Variants in HVCN1 observed in about 807,000 individuals in gnomAD.
The protein encoded by HVCN1 is voltage-gated hydrogen channel 1.
A neutral mutation model predicts 29.2 loss-of-function variants in HVCN1; 14 were observed. The observed-to-expected ratio is 0.48, with a 90% CI of 0.32 to 0.75. HVCN1 has a LOEUF of 0.75. Among genes scored for constraint, HVCN1 ranks in the 30% least tolerant of loss-of-function variants. HVCN1 has a pLI of 0.04. For synonymous variants in HVCN1, 131 were observed against 133.2 expected, an observed-to-expected ratio of 0.98 and a Z score of 0.11; for missense variants, 263 against 341.8, an observed-to-expected ratio of 0.77 and a Z score of 1.82.
At chr12:110,694,757 C>T (rs969086715), upstream of HVCN1, among the ~76,000 whole-genome samples, 5 of 152,202 alleles carry the variant, frequency 3.3e-5, no homozygotes, top group African/African-American at 1.2e-4. This position sits in a 1 kb window ranked among gnomAD's most constrained non-coding sequence, Gnocchi z 4.6. Flanking sequence ...ACGGGATCTG[C>T]ACAAGGCCTG....
At chr12:110,695,291 C>T (rs1342172680) in intron 2 of HVCN1, among the ~76,000 whole-genome samples, 1 of 151,942 alleles carries the variant, frequency 6.6e-6, no homozygotes, top group Non-Finnish European at 1.5e-5. Context: ...TACACACACA[C>T]ACACTTATAT....
intron 3 of HVCN1, among the ~76,000 whole-genome samples, chr12:110,663,032 C>G (rs2068229138): frequency 6.6e-6 from 1 of 152,096 alleles, no homozygotes; most frequent in African/African-American, 2.4e-5. Flanking sequence ...AGTGAAGTAA[C>G]AATAGCACAT....
intron 5 of HVCN1, among the ~76,000 whole-genome samples, chr12:110,653,609 A>C (rs571080906): frequency 1.3e-4 from 20 of 152,246 alleles, no homozygotes; most frequent in African/African-American, 4.8e-4. Context: ...TGGGAGGCCG[A>C]AGTGGGCAGA....
chr12:110,697,132 C>T (rs1422641489), intron 2 of HVCN1, among the ~76,000 whole-genome samples: 1 of 151,820 alleles, frequency 6.6e-6, no homozygotes, highest in Non-Finnish European at 1.5e-5. Flanking sequence ...GAGGATGTCC[C>T]CATTTTTGAT....
At chr12:110,659,816 C>G (rs1003321020) in intron 4 of HVCN1, among the ~76,000 whole-genome samples, 2 of 151,888 alleles carry the variant, frequency 1.3e-5, no homozygotes, top group Non-Finnish European at 2.9e-5. Context: ...GCCTGTAATC[C>G]CAGCACTTTG....
At chr12:110,685,893 G>A (rs1198157701) in intron 2 of HVCN1, among the ~76,000 whole-genome samples, 3 of 152,060 alleles carry the variant, frequency 2.0e-5, no homozygotes, top group African/African-American at 7.2e-5. Flanking sequence ...TGTTATCCAG[G>A]CTGGTCTCAA....
chr12:110,668,906 T>C (rs1174557864), intron 3 of HVCN1, among the ~76,000 whole-genome samples: 8 of 152,148 alleles, frequency 5.3e-5, no homozygotes, highest in Non-Finnish European at 1.2e-4. Context: ...CTGCTATCTC[T>C]GGCCACCCTC....
chr12:110,684,065 A>G (rs138397516), intron 2 of HVCN1, among the ~76,000 whole-genome samples: 1 of 152,242 alleles, frequency 6.6e-6, no homozygotes, highest in Admixed American at 6.5e-5. Flanking sequence ...AATGTCCGGA[A>G]CAGGATATGA....
intron 3 of HVCN1, among the ~76,000 whole-genome samples, chr12:110,678,427 T>C (rs185473584): frequency 7.0e-4 from 106 of 151,108 alleles, no homozygotes; most frequent in South Asian, 1.3e-3. Flanking sequence ...TATTTTCCAT[T>C]TCATTCTATT....
rs1387210381 is a variant in HVCN1 at position 110,676,734 on chromosome 12, T to C, written c.21+6491A>G. Among the ~76,000 whole-genome samples, 2 of 152,150 alleles carry C rather than the reference T, an allele frequency of 1.3e-5. No individual in the cohort carries two copies. Among genetic ancestry groups the C allele is most frequent in the African/African-American group, 4.8e-5 (2 of 41,438 alleles). On this transcript the variant is annotated intron_variant, in intron 3 of 7. Coordinates refer to ENST00000242607, the MANE Select transcript of HVCN1 (RefSeq NM_032369.4). This position sits in a 1 kb window ranked among gnomAD's most constrained non-coding sequence, Gnocchi z 4.1. Reference sequence around the variant, plus strand: ...CAACCCAGGAGAGGGCTCTGGAAGCTTGTGCCAGGTTTTTTCTGAACTTCA... The same window carrying C: ...CAACCCAGGAGAGGGCTCTGGAAGCCTGTGCCAGGTTTTTTCTGAACTTCA...
chr12:110,686,523 C>T (rs900876066), intron 2 of HVCN1, among the ~76,000 whole-genome samples: 4 of 152,028 alleles, frequency 2.6e-5, no homozygotes, highest in Non-Finnish European at 4.4e-5. Flanking sequence ...TCAAGTGGAA[C>T]CATCACCACA....
upstream of HVCN1, among the ~76,000 whole-genome samples, chr12:110,694,104 C>A (rs1467524159): frequency 6.6e-6 from 1 of 152,142 alleles, no homozygotes; most frequent in Non-Finnish European, 1.5e-5. This position sits in a 1 kb window ranked among gnomAD's most constrained non-coding sequence, Gnocchi z 4.6. Flanking sequence ...GCTCTGTCAC[C>A]CAGGCTGGAG....
chr12:110,697,555 A>G (rs1171632042), intron 2 of HVCN1, among the ~76,000 whole-genome samples: 1 of 152,114 alleles, frequency 6.6e-6, no homozygotes, highest in Non-Finnish European at 1.5e-5. Flanking sequence ...GGAGGGGCCC[A>G]CACTGGAGTC....
chr12:110,703,848 C>T (rs993237605), intron 1 of HVCN1, among the ~76,000 whole-genome samples: 2 of 152,226 alleles, frequency 1.3e-5, no homozygotes, highest in East Asian at 3.9e-4. Flanking sequence ...CCATGCCTGG[C>T]TAATTTTTGT....
chr12:110,698,819 G>A (rs1436606042), intron 2 of HVCN1, among the ~76,000 whole-genome samples: 1 of 152,130 alleles, frequency 6.6e-6, no homozygotes, highest in Non-Finnish European at 1.5e-5. Context: ...CAGGGAGTCT[G>A]GTGCTTACTG....
Position 110,661,593 on chromosome 12 carries a change from G to T in HVCN1, c.22-145C>A. ...AAGCAGAGACCATGAGGTCACGGTG[G>T]TTTCTCGTGCTTTTATTTTTGGAAT... is the stretch of plus-strand genomic sequence containing the variant. On this transcript the variant is annotated intron_variant, in intron 3 of 7. Coordinates refer to ENST00000242607, the MANE Select transcript of HVCN1 (RefSeq NM_032369.4). The surrounding 1 kb of genome is among the most constrained non-coding windows in gnomAD (Gnocchi z 6.2). The T allele has an allele frequency of 1.4e-6, 1 of 709,210 alleles. No individual in the cohort carries two copies. Among genetic ancestry groups the T allele is most frequent in the Non-Finnish European group, 2.3e-6 (1 of 433,382 alleles). 43.9% of individuals were successfully genotyped at this position (709,210 alleles called of 1,614,324 possible).
At chr12:110,683,407 T>A in intron 2 of HVCN1, 143 bp from the exon 3 acceptor site, 1 of 941,366 alleles carries the variant, frequency 1.1e-6, no homozygotes, top group Non-Finnish European at 1.5e-6. Context: ...GTACAAAGTA[T>A]ATGTAGGAGG....
intron 2 of HVCN1, among the ~76,000 whole-genome samples, chr12:110,701,934 C>T (rs529587224): frequency 2.0e-5 from 3 of 149,748 alleles, no homozygotes; most frequent in Admixed American, 6.6e-5. Flanking sequence ...ACACAGGTCC[C>T]GGTAGCTTTT....
intron 3 of HVCN1, among the ~76,000 whole-genome samples, chr12:110,677,403 AC>A (rs2068784967): frequency 6.6e-6 from 1 of 151,128 alleles, no homozygotes. Flanking sequence ...AGAATGTGCA[AC>A]CCCCTTTCAC....
Sources: gnomAD v4.1 joint callset for allele counts (sites outside exome capture counted in the v4.1 genomes callset) on GRCh38, gnomAD v4.1.1 for gene constraint, Gnocchi (gnomAD v3.1) non-coding constraint, MANE v1.5 for transcripts, NCBI Gene and HGNC (gene_info 2026-07-23, HGNC 2026-07-21) for gene names.